The following FHIT variants were observed in gnomAD, a reference collection of about 807,000 sequenced individuals.
FHIT encodes the protein fragile histidine triad diadenosine triphosphatase.
In FHIT, 19 loss-of-function variants were observed where a neutral mutation model predicts 17.9. The ratio of observed to expected loss-of-function variants is 1.06; its 90% confidence interval spans 0.74 to 1.56. The LOEUF is 1.56. FHIT is among the 40% of genes most tolerant of loss of function. FHIT has a pLI of 0.00. For missense variants in FHIT, 248 were observed against 189.2 expected (o/e 1.31, Z -1.82); for synonymous variants, 81 against 69.7 (o/e 1.16, Z -0.81).
intron 5 of FHIT, among the ~76,000 whole-genome samples, chr3:60,472,742 T>C (rs190248600): frequency 1.3e-5 from 2 of 152,158 alleles, no homozygotes; most frequent in African/African-American, 4.8e-5. Flanking sequence ...AAATAAAAAT[T>C]GTTTTTAATC....
chr3:59,948,703 G>A (rs1223738482), intron 7 of FHIT, among the ~76,000 whole-genome samples: 1 of 151,992 alleles, frequency 6.6e-6, no homozygotes, highest in Admixed American at 6.6e-5. Flanking sequence ...GCCTTAATTT[G>A]CATTTCCCTA....
intron 5 of FHIT, among the ~76,000 whole-genome samples, chr3:60,042,864 G>C (rs1254519954): frequency 3.3e-5 from 5 of 152,016 alleles, no homozygotes; most frequent in African/African-American, 1.2e-4. Context: ...ATGCCCCAAA[G>C]TGGAAAGGTA....
intron 5 of FHIT, among the ~76,000 whole-genome samples, chr3:60,241,219 T>C (rs1705113575): frequency 6.6e-6 from 1 of 152,100 alleles, no homozygotes; most frequent in African/African-American, 2.4e-5. Flanking sequence ...CATAATTCCC[T>C]AAGACAGTAC....
chr3:60,880,525 G>A (rs1010814102), intron 3 of FHIT, among the ~76,000 whole-genome samples: 2 of 152,228 alleles, frequency 1.3e-5, no homozygotes, highest in Non-Finnish European at 2.9e-5. Flanking sequence ...CTGAGGTTGG[G>A]AGTTCAAGAC....
intron 3 of FHIT, among the ~76,000 whole-genome samples, chr3:61,016,834 T>A (rs1423084209): frequency 6.6e-6 from 1 of 152,178 alleles, no homozygotes; most frequent in East Asian, 1.9e-4. Flanking sequence ...ACAAACTCTA[T>A]CTGTTCTGAA....
At chr3:59,877,849 T>C (rs1703233987) in intron 8 of FHIT, among the ~76,000 whole-genome samples, 1 of 152,208 alleles carries the variant, frequency 6.6e-6, no homozygotes, top group African/African-American at 2.4e-5. Flanking sequence ...AGTATTTCCC[T>C]ATCCCTCAAA....
intron 5 of FHIT, among the ~76,000 whole-genome samples, chr3:60,061,717 T>C (rs1396030946): frequency 6.6e-6 from 1 of 152,198 alleles, no homozygotes; most frequent in Non-Finnish European, 1.5e-5. Context: ...ACATTAATTT[T>C]AAACAAACAT....
chr3:61,124,901 C>G (rs1254950139), intron 2 of FHIT, among the ~76,000 whole-genome samples: 1 of 152,138 alleles, frequency 6.6e-6, no homozygotes, highest in African/African-American at 2.4e-5. Flanking sequence ...CCAACATGTC[C>G]CCAATTACTT....
intron 5 of FHIT, among the ~76,000 whole-genome samples, chr3:60,329,872 T>A (rs961648221): frequency 2.0e-5 from 3 of 152,216 alleles, no homozygotes; most frequent in African/African-American, 7.2e-5. Context: ...GTGTTTATAT[T>A]TCTACAGAAC....
At chr3:60,378,717 C>A (rs936244777) in intron 5 of FHIT, among the ~76,000 whole-genome samples, 2 of 152,024 alleles carry the variant, frequency 1.3e-5, no homozygotes, top group African/African-American at 2.4e-5. Context: ...TTTTTGTCTT[C>A]TAAAAAATGA....
intron 3 of FHIT, among the ~76,000 whole-genome samples, chr3:61,031,181 CA>C (rs1468333106): frequency 2.0e-5 from 3 of 152,158 alleles, no homozygotes; most frequent in African/African-American, 7.2e-5. Flanking sequence ...ATACTATCTG[CA>C]GTGGCAAAAT....
chr3:60,170,161 C>A (rs1274146816), intron 5 of FHIT, among the ~76,000 whole-genome samples: 1 of 152,128 alleles, frequency 6.6e-6, no homozygotes, highest in Non-Finnish European at 1.5e-5. Flanking sequence ...TTTGTTGAAA[C>A]CACTGGAAGA....
intron 4 of FHIT, among the ~76,000 whole-genome samples, chr3:60,568,356 G>C (rs1387670405): frequency 1.3e-5 from 2 of 151,864 alleles, no homozygotes; most frequent in East Asian, 1.9e-4. Flanking sequence ...CTATCACAAG[G>C]ACAAAAAACC....
At chr3:60,579,062 C>T (rs182420483) in intron 4 of FHIT, among the ~76,000 whole-genome samples, 4 of 152,068 alleles carry the variant, frequency 2.6e-5, no homozygotes, top group Admixed American at 2.6e-4. Flanking sequence ...GTCCTTTCAC[C>T]CATCACTTGT....
intron 4 of FHIT, among the ~76,000 whole-genome samples, chr3:60,625,554 A>G (rs1301556446): frequency 3.9e-5 from 6 of 152,056 alleles, no homozygotes; most frequent in African/African-American, 1.5e-4. Context: ...TCATCTGTAT[A>G]TCTTCTTTGG....
intron 8 of FHIT, among the ~76,000 whole-genome samples, chr3:59,915,286 T>C (rs931589814): frequency 2.0e-5 from 3 of 152,200 alleles, no homozygotes; most frequent in African/African-American, 7.2e-5. Context: ...GAGGACCACA[T>C]GGAGTGGTTT....
intron 2 of FHIT, among the ~76,000 whole-genome samples, chr3:61,101,995 T>G (rs763604922): frequency 2.0e-5 from 3 of 152,210 alleles, no homozygotes; most frequent in Non-Finnish European, 4.4e-5. Flanking sequence ...TCATGTCATC[T>G]GCAAACAGGG....
intron 5 of FHIT, among the ~76,000 whole-genome samples, chr3:60,087,862 C>A (rs1703562360): frequency 6.6e-6 from 1 of 152,178 alleles, no homozygotes. Context: ...CCAAACTCTT[C>A]CGACTGCTGC....
chr3:60,713,085 C>T (rs2041583975), intron 4 of FHIT, among the ~76,000 whole-genome samples: 2 of 152,272 alleles, frequency 1.3e-5, no homozygotes, highest in Non-Finnish European at 1.5e-5. Context: ...GTCTCTCAGA[C>T]CACAGTGCAA....
Sources: gnomAD v4.1 joint callset for allele counts (sites outside exome capture counted in the v4.1 genomes callset) on GRCh38, gnomAD v4.1.1 for gene constraint, MANE v1.5 for transcripts, NCBI Gene and HGNC (gene_info 2026-07-23, HGNC 2026-07-21) for gene names.